Variants in WASHC5 observed in about 807,000 individuals in gnomAD.
WASHC5 encodes the protein WASH complex subunit 5.
In WASHC5, 101 loss-of-function variants were observed where a neutral mutation model predicts 150.4. The ratio of observed to expected loss-of-function variants is 0.67; its 90% CI spans 0.57 to 0.79. The LOEUF (loss-of-function observed/expected upper bound fraction) is 0.79, where lower values mean the gene tolerates loss of function less well. WASHC5 is among the 30% of genes least tolerant of loss of function. The pLI is 0.00. For synonymous variants in WASHC5, 467 were observed against 491.2 expected (o/e 0.95, Z 0.65); for missense variants, 1,195 against 1,396.3 (o/e 0.86, Z 2.30).
At chr8:125,060,417 C>T (rs1816558719) in intron 12 of WASHC5, among the ~76,000 whole-genome samples, 2 of 150,350 alleles carry the variant, frequency 1.3e-5, no homozygotes, top group Non-Finnish European at 1.5e-5. Context: ...ACCCAGGAGG[C>T]GGAGGTTGCA....
At chr8:125,039,765 C>G in intron 24 of WASHC5, 30 bp downstream of exon 24, 1 of 1,447,076 alleles carries the variant, frequency 6.9e-7, no homozygotes, top group South Asian at 1.1e-5. Flanking sequence ...TCCAAGCCCA[C>G]GGATGGCTGT....
chr8:125,029,384 G>T (rs533188453), intron 27 of WASHC5, among the ~76,000 whole-genome samples: 98 of 152,230 alleles, frequency 6.4e-4, no homozygotes, highest in African/African-American at 2.2e-3. Context: ...TCTCAGCTTG[G>T]GTACTTCTCC....
rs10429385 is a variant in WASHC5 at position 125,067,317 on chromosome 8, C to A, written c.1278+275G>T. On this transcript the variant is annotated intron_variant, in intron 10 of 28. Coordinates refer to ENST00000318410, the MANE Select transcript of WASHC5 (RefSeq NM_014846.4). ...ACAGGCATGAGCCACTGCACTTGGC[C>A]TAGTGTGATTCTTTGATTAATGTCT... 0.026 allele frequency among the ~76,000 whole-genome samples: 3,997 copies of A among 152,256 alleles called. 180 individuals are homozygous for A. The highest frequency in any genetic ancestry group is 0.092 in the African/African-American group (3,829 of 41,538).
In WASHC5 at chr8:125,083,799, CAGAG is replaced by C. The variant is rs775123472; in HGVS notation, c.96_99del (p.Glu34LeufsTer8). 1.9e-6 allele frequency: 3 copies of C among 1,613,866 alleles called. No individual in the cohort carries two copies. Among genetic ancestry groups the C allele is most frequent in the Non-Finnish European group, 2.5e-6 (3 of 1,179,824 alleles). The stretch of plus-strand genomic sequence containing the variant: ...AACCTGAACACAGCAGGAATAAACT[CAGAG>C]AGTCTCAAAAGTTCAGCAATGATGG... On this transcript the variant is annotated frameshift_variant, in exon 2 of 29. Coordinates refer to ENST00000318410, the MANE Select transcript of WASHC5 (RefSeq NM_014846.4). LOFTEE classifies it high-confidence loss of function.
chr8:125,034,106 A>G (rs938951781), intron 26 of WASHC5, among the ~76,000 whole-genome samples: 1 of 152,218 alleles, frequency 6.6e-6, no homozygotes, highest in East Asian at 1.9e-4. Flanking sequence ...AGAGAAGGAT[A>G]TAAGGAATGG....
chr8:125,054,092 T>C (rs1412477625), intron 17 of WASHC5, among the ~76,000 whole-genome samples: 1 of 152,184 alleles, frequency 6.6e-6, no homozygotes, highest in African/African-American at 2.4e-5. Context: ...AATGTAGATT[T>C]CAGAGGAACT....
intron 1 of WASHC5, among the ~76,000 whole-genome samples, chr8:125,086,573 A>C (rs1368780793): frequency 1.3e-5 from 2 of 152,246 alleles, no homozygotes; most frequent in African/African-American, 4.8e-5. Flanking sequence ...ATATAGTCAC[A>C]TTCTGAGCTA....
At chr8:125,084,639 A>T (rs1180362625) in intron 1 of WASHC5, among the ~76,000 whole-genome samples, 1 of 152,218 alleles carries the variant, frequency 6.6e-6, no homozygotes, top group Middle Eastern at 3.2e-3. Flanking sequence ...TTGTATTCCA[A>T]TGCACTCTCT....
chr8:125,050,624 C>A lies in WASHC5; in HGVS notation c.2139G>T (p.Glu713Asp). 1 of 1,614,216 alleles carries A rather than the reference C, an allele frequency of 6.2e-7. No homozygotes were observed. The highest frequency in any genetic ancestry group is 1.1e-5 in the South Asian group (1 of 91,086). The change falls in exon 18 of 29, where the codon GAG (glutamate) becomes GAT (aspartate). Residue 713 changes from glutamate to aspartate, a missense_variant. By Grantham distance (45) the Glu-to-Asp change is conservative. Coordinates refer to ENST00000318410, the MANE Select transcript of WASHC5 (RefSeq NM_014846.4). ...GGGCAAAGGCAACGCGCTTCACAAG[C>A]TCTTTCCTTATTCCATCTTCCAGCA... is the stretch of plus-strand genomic sequence containing the variant. ...KQLLEDGIRK[E>D]LVKRVAFALH...
chr8:125,047,300 G>C lies in WASHC5; in HGVS notation c.2411C>G (p.Thr804Ser). The C allele has an allele frequency of 6.2e-7, 1 of 1,613,946 alleles. No individual in the cohort carries two copies. Reference protein sequence around the residue: ...IQDWQSMYQSTHIPIPKFTPV... With the variant: ...IQDWQSMYQSSHIPIPKFTPV... ...GGTAAACTTGGGTATTGGAATATGAGTGGACTGGTACATGCTTTGCCAATC... is the reference window on the plus strand; with the variant it reads ...GGTAAACTTGGGTATTGGAATATGACTGGACTGGTACATGCTTTGCCAATC... The change falls in exon 20 of 29, where the codon ACT becomes AGT. Residue 804 changes from threonine (T) to serine (S), a missense_variant. Transcript: ENST00000318410.
chr8:125,059,522 C>T lies in WASHC5; in HGVS notation c.1542G>A (p.Leu514=), dbSNP rs908558393. The T allele has an allele frequency of 8.1e-6, 13 of 1,613,516 alleles. No individual in the cohort carries two copies. The highest frequency in any genetic ancestry group is 1.7e-4 in the Middle Eastern group (1 of 6,060). Residue 514 remains leucine, a synonymous_variant, in exon 13 of 29, where the codon TTG becomes TTA. Coordinates refer to ENST00000318410, the MANE Select transcript of WASHC5 (RefSeq NM_014846.4). ...ALEEVQEFHQ[L]ESNLQVCQFL... ...ACTGACATACTTGCAGATTGGATTC[C>T]AACTGGTGGAATTCTTGAACCTGTG...
intron 23 of WASHC5, among the ~76,000 whole-genome samples, chr8:125,042,689 C>T (rs192544527): frequency 6.6e-6 from 1 of 152,250 alleles, no homozygotes. Flanking sequence ...TGTCCAAACT[C>T]GGGTGATTCT....
intron 7 of WASHC5, 64 bp from the exon 8 acceptor site, chr8:125,075,175 C>T: frequency 9.7e-7 from 1 of 1,025,802 alleles, no homozygotes; most frequent in Non-Finnish European, 1.5e-6. Context: ...GGGTTGAATA[C>T]TAAAGTTATA....
chr8:125,091,408 G>A (rs909243086), intron 1 of WASHC5, among the ~76,000 whole-genome samples: 2 of 152,164 alleles, frequency 1.3e-5, no homozygotes, highest in East Asian at 1.9e-4. Context: ...CTAAAGCGAG[G>A]AAGGGGTGTG....
At chr8:125,079,113 T>C (rs1443270566) in intron 5 of WASHC5, among the ~76,000 whole-genome samples, 183 bp from the exon 6 acceptor site, 1 of 49,854 alleles carries the variant, frequency 2.0e-5, no homozygotes, top group Non-Finnish European at 3.9e-5. Context: ...TGTGTGTGTG[T>C]GTGTATATAT....
intron 1 of WASHC5, among the ~76,000 whole-genome samples, chr8:125,086,101 C>A (rs1345238157): frequency 6.6e-6 from 1 of 152,168 alleles, no homozygotes; most frequent in African/African-American, 2.4e-5. Flanking sequence ...CTCAATGAGT[C>A]TGGATTGCAT....
At chr8:125,055,570 G>C (rs375378049) in intron 17 of WASHC5, 21 bp downstream of exon 17, 1 of 1,475,770 alleles carries the variant, frequency 6.8e-7, no homozygotes, top group Non-Finnish European at 9.5e-7. Flanking sequence ...GCGAGGCCAC[G>C]CAGACTAACA....
chr8:125,062,559 T>C (rs951997302), intron 11 of WASHC5, among the ~76,000 whole-genome samples: 4 of 152,222 alleles, frequency 2.6e-5, no homozygotes, highest in African/African-American at 9.7e-5. Flanking sequence ...TATGGTGACC[T>C]GCAAAACATG....
intron 17 of WASHC5, 123 bp downstream of exon 17, chr8:125,055,468 C>A: frequency 1.3e-6 from 1 of 755,796 alleles, no homozygotes; most frequent in Non-Finnish European, 2.5e-6. Flanking sequence ...AAAATGAAGA[C>A]CGAAATTGGA....
Sources: gnomAD v4.1 joint callset for allele counts (sites outside exome capture counted in the v4.1 genomes callset) on GRCh38, gnomAD v4.1.1 for gene constraint, MANE v1.5 for transcripts, NCBI Gene and HGNC (gene_info 2026-07-23, HGNC 2026-07-21) for gene names.